The following DOCK3 variants were observed in gnomAD, a reference collection of about 807,000 sequenced individuals.
The protein encoded by DOCK3 is dedicator of cytokinesis protein 3.
Under a neutral mutation model 265.6 loss-of-function variants are expected in DOCK3, and 60 were observed. The ratio of observed to expected loss-of-function variants is 0.23; its 90% CI spans 0.18 to 0.28. The LOEUF (loss-of-function observed/expected upper bound fraction) is 0.28. DOCK3 is among the 10% of genes least tolerant of loss of function. The probability of loss-of-function intolerance (pLI) is 1.00; values close to 1 mark genes in which losing one functional copy is unlikely to be tolerated. For missense variants in DOCK3, 1,981 were observed against 2,594.3 expected (o/e 0.76, Z 5.14); for synonymous variants, 881 against 938.0 (o/e 0.94, Z 1.11).
chr3:51,087,510 A>C (rs546464860), intron 7 of DOCK3, among the ~76,000 whole-genome samples: 5 of 152,190 alleles, frequency 3.3e-5, no homozygotes, highest in Non-Finnish European at 2.9e-5. Flanking sequence ...TATATGACAC[A>C]TCCACAGCTG....
At chr3:50,958,459 C>T (rs1441135044) in intron 5 of DOCK3, among the ~76,000 whole-genome samples, 1 of 152,158 alleles carries the variant, frequency 6.6e-6, no homozygotes, top group Non-Finnish European at 1.5e-5. Context: ...TTTTCGGCCT[C>T]TGTGCCCTCT....
chr3:51,153,850 G>C (rs113495579), intron 10 of DOCK3, among the ~76,000 whole-genome samples: 1,896 of 152,268 alleles, frequency 0.012, 47 homozygotes, highest in African/African-American at 0.042. Context: ...ACTATCCAGT[G>C]GTATTTATTT....
chr3:51,191,852 G>T (rs557456022), intron 12 of DOCK3, among the ~76,000 whole-genome samples: 2 of 151,656 alleles, frequency 1.3e-5, no homozygotes, highest in African/African-American at 2.4e-5. Flanking sequence ...TTTTCCTGCT[G>T]AGTTGTTTGA....
intron 12 of DOCK3, among the ~76,000 whole-genome samples, chr3:51,187,342 A>G (rs1006775313): frequency 1.3e-5 from 2 of 152,160 alleles, no homozygotes; most frequent in Non-Finnish European, 2.9e-5. Context: ...GAATGGCTGT[A>G]TTTACCCAAA....
At chr3:50,765,605 A>T (rs1234494432) in intron 1 of DOCK3, among the ~76,000 whole-genome samples, 2 of 152,078 alleles carry the variant, frequency 1.3e-5, no homozygotes, top group African/African-American at 2.4e-5. Context: ...TATATTAATT[A>T]AAAAAATTAA....
chr3:51,307,878 GGTT>G (rs1284495645), intron 27 of DOCK3, among the ~76,000 whole-genome samples: 12 of 42,022 alleles, frequency 2.9e-4, no homozygotes, highest in Non-Finnish European at 5.5e-4. Context: ...AAATTATATG[GGTT>G]TTTTTTTTTG....
At chr3:51,185,913 C>T (rs947498732) in intron 12 of DOCK3, among the ~76,000 whole-genome samples, 3 of 152,092 alleles carry the variant, frequency 2.0e-5, no homozygotes, top group Non-Finnish European at 2.9e-5. Flanking sequence ...CCAGTTAAAC[C>T]TCTTTGTTTT....
intron 5 of DOCK3, among the ~76,000 whole-genome samples, chr3:51,038,608 G>A (rs2080361937): frequency 6.6e-6 from 1 of 152,200 alleles, no homozygotes; most frequent in Non-Finnish European, 1.5e-5. Context: ...GGTAAGGCCA[G>A]TGCTAACATC....
intron 5 of DOCK3, among the ~76,000 whole-genome samples, chr3:50,982,916 G>T (rs1428533819): frequency 6.6e-6 from 1 of 152,146 alleles, no homozygotes. Context: ...CCCAGGTGCA[G>T]GACCTGGGCA....
At chr3:51,180,730 A>G (rs897232513) in intron 12 of DOCK3, among the ~76,000 whole-genome samples, 4 of 152,216 alleles carry the variant, frequency 2.6e-5, no homozygotes, top group Admixed American at 6.5e-5. Flanking sequence ...GGATTAAAAT[A>G]AGGACATATC....
At chr3:51,103,381 G>A (rs1187377405) in intron 9 of DOCK3, among the ~76,000 whole-genome samples, 1 of 152,176 alleles carries the variant, frequency 6.6e-6, no homozygotes, top group Non-Finnish European at 1.5e-5. Context: ...TGAAAGCAAA[G>A]CTAGTTTATA....
At chr3:51,244,806 G>T (rs1407924034) in intron 21 of DOCK3, among the ~76,000 whole-genome samples, 1 of 152,182 alleles carries the variant, frequency 6.6e-6, no homozygotes, top group Non-Finnish European at 1.5e-5. Context: ...TTTGATGTTA[G>T]CTGTGGGCTT....
intron 3 of DOCK3, among the ~76,000 whole-genome samples, chr3:50,844,886 A>G (rs2046007478): frequency 6.6e-6 from 1 of 152,166 alleles, no homozygotes; most frequent in Non-Finnish European, 1.5e-5. Context: ...GTTCTGTTCC[A>G]TTGCCAAAAT....
intron 12 of DOCK3, among the ~76,000 whole-genome samples, chr3:51,183,691 A>G (rs542020416): frequency 6.6e-6 from 1 of 152,320 alleles, no homozygotes; most frequent in African/African-American, 2.4e-5. Context: ...ATAAAGTTTC[A>G]CAAGAATTAA....
intron 1 of DOCK3, among the ~76,000 whole-genome samples, chr3:50,770,130 A>G (rs1015965055): frequency 6.6e-6 from 1 of 152,178 alleles, no homozygotes; most frequent in Non-Finnish European, 1.5e-5. Context: ...AAAGATATAA[A>G]GGGCATCCCT....
chr3:51,221,188 AC>A (rs2090080897), intron 14 of DOCK3, among the ~76,000 whole-genome samples: 1 of 152,076 alleles, frequency 6.6e-6, no homozygotes, highest in African/African-American at 2.4e-5. Flanking sequence ...CTCCATAAGC[AC>A]CTCTGAGTAT....
chr3:51,362,944 T>C (rs57603251), intron 49 of DOCK3, among the ~76,000 whole-genome samples: 10,270 of 152,290 alleles, frequency 0.067, 914 homozygotes, highest in East Asian at 0.33. Context: ...GAAAGCTCAC[T>C]TCTTTCCCAT....
intron 3 of DOCK3, among the ~76,000 whole-genome samples, chr3:50,844,476 C>G (rs908685580): frequency 1.3e-5 from 2 of 152,078 alleles, no homozygotes; most frequent in Non-Finnish European, 2.9e-5. Flanking sequence ...CTGCCTCAGC[C>G]TCCCAAAGTG....
chr3:50,718,720 C>T (rs1277795597), intron 1 of DOCK3, among the ~76,000 whole-genome samples: 1 of 149,036 alleles, frequency 6.7e-6, no homozygotes, highest in East Asian at 1.9e-4. Context: ...CTTTTGCCAT[C>T]CGCTCTAGCT....
Sources: gnomAD v4.1 joint callset for allele counts (sites outside exome capture counted in the v4.1 genomes callset) on GRCh38, gnomAD v4.1.1 for gene constraint, MANE v1.5 for transcripts, NCBI Gene and HGNC (gene_info 2026-07-23, HGNC 2026-07-21) for gene names.